PTPRJ: variants seen among roughly 807,000 people sequenced by gnomAD.
PTPRJ encodes the protein receptor-type tyrosine-protein phosphatase eta.
A neutral mutation model predicts 141.3 loss-of-function variants in PTPRJ; 129 were observed. The ratio of observed to expected loss-of-function variants is 0.91; its 90% CI spans 0.79 to 1.06. The LOEUF (loss-of-function observed/expected upper bound fraction) is 1.06, where lower values mean the gene tolerates loss of function less well. Among genes scored for constraint, PTPRJ ranks in the 50% least tolerant of loss-of-function variants. PTPRJ has a pLI of 0.00. For synonymous variants in PTPRJ, 610 were observed against 640.5 expected (o/e 0.95, Z 0.72); for missense variants, 1,601 against 1,679.7 (o/e 0.95, Z 0.82).
intron 1 of PTPRJ, among the ~76,000 whole-genome samples, chr11:48,033,556 C>T (rs534433731): frequency 3.6e-4 from 55 of 152,190 alleles, no homozygotes; most frequent in South Asian, 6.2e-4. Context: ...TCTGTATCTG[C>T]GCATAGTGAC....
At chr11:48,088,363 C>G (rs1855770679) in intron 1 of PTPRJ, among the ~76,000 whole-genome samples, 1 of 152,148 alleles carries the variant, frequency 6.6e-6, no homozygotes, top group South Asian at 2.1e-4. Context: ...TCCCATGTTC[C>G]CTCTTGAAGG....
In PTPRJ at chr11:48,153,657, A is replaced by G. The variant is rs983338660; in HGVS notation, c.3139-139A>G. 4.9e-5 allele frequency: 30 copies of G among 614,020 alleles called. 1 individual carries two copies. In the South Asian group the frequency reaches 5.8e-4, roughly 12 times the overall value. 38.0% of individuals were successfully genotyped at this position (614,020 alleles called of 1,614,324 possible). Reference sequence around the variant, plus strand: ...AATACAAGTTTCAGGCTTTAATAGCAGAAGGGTAAATTTCTATGTTTATTC... The same window carrying G: ...AATACAAGTTTCAGGCTTTAATAGCGGAAGGGTAAATTTCTATGTTTATTC... On this transcript the variant is annotated intron_variant, in intron 18 of 24. Coordinates refer to ENST00000418331, the MANE Select transcript of PTPRJ (RefSeq NM_002843.4).
chr11:48,083,526 A>C (rs1855621953), intron 1 of PTPRJ, among the ~76,000 whole-genome samples: 1 of 152,262 alleles, frequency 6.6e-6, no homozygotes, highest in South Asian at 2.1e-4. Flanking sequence ...TCCCAGGCAA[A>C]CCACATCCCA....
intron 1 of PTPRJ, among the ~76,000 whole-genome samples, chr11:48,074,236 G>T (rs1448160448): frequency 6.6e-6 from 1 of 152,180 alleles, no homozygotes; most frequent in Non-Finnish European, 1.5e-5. Flanking sequence ...GTGTTTACAG[G>T]ACTTTAAATT....
In PTPRJ at chr11:48,139,761, A is replaced by G; in HGVS notation, c.2428A>G (p.Thr810Ala). 1 of 1,613,968 alleles carries G rather than the reference A, an allele frequency of 6.2e-7. No homozygotes were observed. Among genetic ancestry groups the G allele is most frequent in the Non-Finnish European group, 8.5e-7 (1 of 1,180,000 alleles). Residue 810 changes from threonine (T) to alanine (A), a missense_variant, in exon 11 of 25, where the codon ACT becomes GCT. Physicochemically the swap from Thr to Ala is moderately conservative, Grantham distance 58. Coordinates refer to ENST00000418331, the MANE Select transcript of PTPRJ (RefSeq NM_002843.4). Reference sequence around the variant, plus strand: ...GGCAGCCCCCACCCGGAACACCTGCACTACTGGCATCACAGGTGGGCTACA... The same window carrying G: ...GGCAGCCCCCACCCGGAACACCTGCGCTACTGGCATCACAGGTGGGCTACA... ...KMAAPTRNTC[T>A]TGITDPPPPD... is the part of the protein sequence containing the mutation.
intron 11 of PTPRJ, 48 bp from the exon 12 acceptor site, chr11:48,142,871 T>A (rs1379918547): frequency 1.3e-6 from 2 of 1,573,006 alleles, no homozygotes; most frequent in African/African-American, 2.7e-5. Context: ...AATGTGTTGC[T>A]TTGGTTTTCA....
intron 1 of PTPRJ, among the ~76,000 whole-genome samples, chr11:47,985,253 T>G (rs984035261): frequency 1.3e-5 from 2 of 152,084 alleles, no homozygotes; most frequent in African/African-American, 4.8e-5. Context: ...GCTCAAGGGC[T>G]CCTCTCGTTT....
chr11:48,083,128 T>G (rs982407242), intron 1 of PTPRJ, among the ~76,000 whole-genome samples: 2 of 152,200 alleles, frequency 1.3e-5, no homozygotes, highest in South Asian at 4.1e-4. Flanking sequence ...ATTTTGGTAT[T>G]AAGTTGTTTT....
intron 22 of PTPRJ, among the ~76,000 whole-genome samples, chr11:48,160,901 C>T (rs1416321650): frequency 6.6e-6 from 1 of 151,968 alleles, no homozygotes; most frequent in Admixed American, 6.6e-5. Context: ...GAAATGATGG[C>T]CCAGGTGCGG....
chr11:48,062,166 T>C (rs1854952473), intron 1 of PTPRJ, among the ~76,000 whole-genome samples: 1 of 151,468 alleles, frequency 6.6e-6, no homozygotes, highest in South Asian at 2.1e-4. Flanking sequence ...CACAAAGTGC[T>C]GGGACTACAG....
Position 47,981,924 on chromosome 11 carries a change from G to T in PTPRJ, c.96+916G>T, listed in dbSNP as rs189899812. Among the ~76,000 whole-genome samples, 6 of 152,326 alleles carry T rather than the reference G, an allele frequency of 3.9e-5. No individual in the cohort carries two copies. The South Asian group carries it at 6.2e-4, about 16-fold the overall frequency. On this transcript the variant is annotated intron_variant, in intron 1 of 24. Coordinates refer to ENST00000418331, the MANE Select transcript of PTPRJ (RefSeq NM_002843.4). Reference sequence around the variant, plus strand: ...CTGGAGCCTGTTGGGGTTTGAACCCGCAGGGGAAGCGGTCTAGGGCTGCCT... The same window carrying T: ...CTGGAGCCTGTTGGGGTTTGAACCCTCAGGGGAAGCGGTCTAGGGCTGCCT...
intron 1 of PTPRJ, among the ~76,000 whole-genome samples, chr11:47,993,990 A>C (rs1854265696): frequency 6.6e-6 from 1 of 151,716 alleles, no homozygotes; most frequent in Non-Finnish European, 1.5e-5. Context: ...CCTCCTGAGT[A>C]GCTGGGACTA....
chr11:48,037,541 G>A (rs1050809676), intron 1 of PTPRJ, among the ~76,000 whole-genome samples: 5 of 152,210 alleles, frequency 3.3e-5, no homozygotes, highest in Admixed American at 1.3e-4. Flanking sequence ...GCCAGGCGCG[G>A]TGGCTCACGC....
At chr11:47,982,651 A>T (rs1446971166) in intron 1 of PTPRJ, among the ~76,000 whole-genome samples, 3 of 148,434 alleles carry the variant, frequency 2.0e-5, no homozygotes, top group Non-Finnish European at 3.0e-5. Context: ...AATATATGTA[A>T]TTTTTTTTTT....
intron 1 of PTPRJ, among the ~76,000 whole-genome samples, chr11:47,986,619 C>CA (rs1854057577): frequency 6.6e-6 from 1 of 152,194 alleles, no homozygotes. Flanking sequence ...CGGGTTCAAG[C>CA]AATTCTACTG....
Position 47,980,938 on chromosome 11 carries a change from G to T in PTPRJ, c.26G>T (p.Arg9Leu). 1.7e-6 allele frequency: 2 copies of T among 1,192,088 alleles called. No homozygotes were observed. Among genetic ancestry groups the T allele is most frequent in the East Asian group, 3.6e-5 (1 of 28,112 alleles). 73.8% of individuals were successfully genotyped at this position (1,192,088 alleles called of 1,614,324 possible). ...ATGAAGCCGGCGGCGCGGGAGGCGC[G>T]GCTGCCTCCGCGCTCGCCCGGGCTG... is the stretch of plus-strand genomic sequence containing the variant. MKPAAREA[R>L]LPPRSPGLRW... Residue 9 changes from arginine (R) to leucine (L), a missense_variant, in exon 1 of 25, where the codon CGG becomes CTG. Coordinates refer to ENST00000418331, the MANE Select transcript of PTPRJ (RefSeq NM_002843.4).
In PTPRJ at chr11:48,142,975, A is replaced by G; in HGVS notation, c.2500A>G (p.Lys834Glu). 6.2e-7 allele frequency: 1 copy of G among 1,614,166 alleles called. No homozygotes were observed. The highest frequency in any genetic ancestry group is 8.5e-7 in the Non-Finnish European group (1 of 1,180,010). Residue 834 changes from lysine to glutamate, a missense_variant, in exon 12 of 25, where the codon AAG (lysine) becomes GAG (glutamate). By Grantham distance (56) the Lys-to-Glu change is moderately conservative. Transcript: ENST00000418331. ...NITSVSHNSV[K>E]VKFSGFEASH... ...TACATCTGTCAGTCACAATTCAGTA[A>G]AGGTCAAGTTCAGTGGATTTGAAGC... is the stretch of plus-strand genomic sequence containing the variant.
chr11:48,153,976 A>C (rs527455886), intron 19 of PTPRJ, 90 bp downstream of exon 19: 96 of 882,370 alleles, frequency 1.1e-4, no homozygotes, highest in Non-Finnish European at 1.5e-4. Flanking sequence ...AGTGATCCTA[A>C]GTAACCACTT....
At chr11:48,164,558 ATTTTTTTTTTTTTT>A (rs60806872) in intron 24 of PTPRJ, 43 bp downstream of exon 24, 6 of 774,336 alleles carry the variant, frequency 7.7e-6, no homozygotes, top group Middle Eastern at 5.2e-4. Flanking sequence ...CTTCCCCTCC[ATTTTTTTTTTTTTT>A]TTTTTTTTTT....
Sources: gnomAD v4.1 joint callset for allele counts (sites outside exome capture counted in the v4.1 genomes callset) on GRCh38, gnomAD v4.1.1 for gene constraint, MANE v1.5 for transcripts, NCBI Gene and HGNC (gene_info 2026-07-23, HGNC 2026-07-21) for gene names.